KCNA2: variants seen among roughly 807,000 people sequenced by gnomAD.
The protein encoded by KCNA2 is potassium voltage-gated channel subfamily A member 2, also known as potassium channel, voltage gated shaker related subfamily A, member 2.
KCNA2 carries 11 observed loss-of-function variants against 33.4 expected under a neutral mutation model. The ratio of observed to expected loss-of-function variants is 0.33; its 90% CI spans 0.21 to 0.55. The LOEUF is 0.55. Ranked by LOEUF, KCNA2 falls within the 20% of genes least tolerant of loss-of-function variation. The pLI, the probability that KCNA2 is intolerant of heterozygous loss-of-function variation, is 0.93. For synonymous variants in KCNA2, 222 were observed against 231.3 expected (o/e 0.96, Z 0.37); for missense variants, 291 against 621.6 (o/e 0.47, Z 5.66).
At chr1:110,618,030 A>C (rs1650124010) in intron 1 of KCNA2, among the ~76,000 whole-genome samples, 1 of 152,102 alleles carries the variant, frequency 6.6e-6, no homozygotes. Context: ...CCAGGATGAG[A>C]ATGTAGATGG....
rs1386656843 is a variant in KCNA2 at position 110,596,638 on chromosome 1, T to C, written c.*6645A>G. The C allele has an allele frequency of 1.7e-5, 12 of 691,406 alleles. No homozygotes were observed. The highest frequency in any genetic ancestry group is 1.9e-5 in the African/African-American group (1 of 51,436). The allele number at this position is 691,406 out of a possible 1,614,324, so 42.8% of individuals were successfully genotyped here. On this transcript the variant is annotated 3_prime_UTR_variant, in exon 3 of 3. Transcript: ENST00000316361. ...GACCCTGAGCAAGGCAAGGTCCCTG[T>C]TATCTTCAAACACTCTACTTAACTA...
chr1:110,622,390 A>G (rs1458627180), intron 1 of KCNA2, among the ~76,000 whole-genome samples: 3 of 152,164 alleles, frequency 2.0e-5, no homozygotes, highest in Non-Finnish European at 4.4e-5. Context: ...CCAACATTAT[A>G]CTTAATGATG....
At chr1:110,615,163 T>C (rs978715280) in intron 1 of KCNA2, among the ~76,000 whole-genome samples, 5 of 152,062 alleles carry the variant, frequency 3.3e-5, no homozygotes, top group Admixed American at 3.3e-4. Flanking sequence ...CTACTGGAAG[T>C]TTCATGGCCT....
chr1:110,605,188 G>A lies in KCNA2; in HGVS notation c.-164+203C>T, dbSNP rs558158701. On this transcript the variant is annotated intron_variant, in intron 2 of 2. Transcript: ENST00000316361. ...GGGGGAAGGTGGCTGGTACAGGCCCGCTTGTAGCACACAGGCTTCATGGAG... is the reference window on the plus strand; with the variant it reads ...GGGGGAAGGTGGCTGGTACAGGCCCACTTGTAGCACACAGGCTTCATGGAG... Among the ~76,000 whole-genome samples, 39 of 152,156 alleles carry A rather than the reference G, an allele frequency of 2.6e-4. 1 individual carries two copies. The highest frequency in any genetic ancestry group is 3.8e-4 in the Non-Finnish European group (26 of 68,028).
At chr1:110,629,544 C>T (rs1422635028) in intron 1 of KCNA2, among the ~76,000 whole-genome samples, 2 of 152,184 alleles carry the variant, frequency 1.3e-5, no homozygotes, top group Non-Finnish European at 2.9e-5. Flanking sequence ...ACCTCTTCCT[C>T]AGCACAGTTA....
At chr1:110,629,812 A>C (rs1650498945) in intron 1 of KCNA2, among the ~76,000 whole-genome samples, 2 of 152,244 alleles carry the variant, frequency 1.3e-5, no homozygotes, top group Non-Finnish European at 2.9e-5. Flanking sequence ...AGAAAACAGG[A>C]GTTAATTAAG....
chr1:110,621,058 A>G (rs891868202), intron 1 of KCNA2, among the ~76,000 whole-genome samples: 2 of 152,178 alleles, frequency 1.3e-5, no homozygotes, highest in Non-Finnish European at 2.9e-5. Flanking sequence ...TTGAAATTCT[A>G]AAATAACTGA....
At chr1:110,608,808 G>C (rs1026162965), upstream of KCNA2, among the ~76,000 whole-genome samples, 1 of 152,170 alleles carries the variant, frequency 6.6e-6, no homozygotes, top group East Asian at 1.9e-4. Flanking sequence ...GGGCACCAGT[G>C]CCCTCCTCTG....
Position 110,594,169 on chromosome 1 carries a change from C to G in KCNA2, c.*9114G>C, listed in dbSNP as rs1362740053. 12 of 1,307,224 alleles carry G rather than the reference C, an allele frequency of 9.2e-6. No homozygotes were observed. The highest frequency in any genetic ancestry group is 7.3e-5 in the South Asian group (4 of 54,674). The allele number at this position is 1,307,224 out of a possible 1,614,324, so 81.0% of individuals were successfully genotyped here. A position where few individuals can be genotyped will look rare whatever the true frequency, so the allele number is the denominator to read the frequency against. ...TTGAGTTTTCAGCAATTATTAGAGA[C>G]AGGACATGGGAGGGCAGCTGAAGAT... On this transcript the variant is annotated 3_prime_UTR_variant, in exon 3 of 3. Transcript: ENST00000316361.
intron 1 of KCNA2, among the ~76,000 whole-genome samples, chr1:110,618,018 C>A (rs1253605346): frequency 6.6e-6 from 1 of 152,020 alleles, no homozygotes. Context: ...GAATGAGATC[C>A]CCCAGGATGA....
intron 1 of KCNA2, among the ~76,000 whole-genome samples, chr1:110,624,338 G>A (rs2172514): frequency 0.82 from 124,786 of 152,272 alleles, 51,227 homozygotes; most frequent in Non-Finnish European, 0.83. Flanking sequence ...GGTATATGCT[G>A]TAACATGAAT....
At position 110,598,207 on chromosome 1, in the gene KCNA2, G is replaced by A. The variant is rs1649185483; in HGVS notation, c.*5076C>T. 1 of 538,286 alleles carries A rather than the reference G, an allele frequency of 1.9e-6. No individual in the cohort carries two copies. The highest frequency in any genetic ancestry group is 2.4e-6 in the Non-Finnish European group (1 of 421,784). 33.3% of individuals were successfully genotyped at this position (538,286 alleles called of 1,614,324 possible). A position where few individuals can be genotyped will look rare whatever the true frequency, so the allele number is the denominator to read the frequency against. ...CATGGATATTATAGCCCTCGCAGAT[G>A]AGGCGGCCATCACCCACATACAAGT... On this transcript the variant is annotated 3_prime_UTR_variant, in exon 3 of 3. Transcript: ENST00000316361.
chr1:110,614,544 G>A lies in KCNA2; in HGVS notation c.-495-8822C>T, dbSNP rs143516718. ...AAACAAGAAGCAAGTTGATATCATGGAAAGGCCCTTGGCCTGCCAGTTTCT... is the reference window on the plus strand; with the variant it reads ...AAACAAGAAGCAAGTTGATATCATGAAAAGGCCCTTGGCCTGCCAGTTTCT... On this transcript the variant is annotated intron_variant, in intron 1 of 4. Coordinates refer to the KCNA2 transcript ENST00000369770. 9.7e-3 allele frequency among the ~76,000 whole-genome samples: 1,472 copies of A among 152,286 alleles called. 10 individuals are homozygous for A. The highest frequency in any genetic ancestry group is 0.027 in the Middle Eastern group (8 of 294).
intron 1 of KCNA2, among the ~76,000 whole-genome samples, chr1:110,627,839 A>C (rs1382531183): frequency 6.6e-6 from 1 of 152,104 alleles, no homozygotes; most frequent in Non-Finnish European, 1.5e-5. Flanking sequence ...AAAAAAAAAA[A>C]AAATAATAAT....
intron 1 of KCNA2, among the ~76,000 whole-genome samples, chr1:110,617,842 G>A (rs754223593): frequency 6.6e-6 from 1 of 152,196 alleles, no homozygotes; most frequent in Non-Finnish European, 1.5e-5. Context: ...CTCACATGGT[G>A]GGCAGTTCTG....
In KCNA2 at chr1:110,596,981, C is replaced by T; in HGVS notation, c.*6302G>A. 1 of 985,452 alleles carries T rather than the reference C, an allele frequency of 1.0e-6. No individual in the cohort carries two copies. The highest frequency in any genetic ancestry group is 1.2e-6 in the Non-Finnish European group (1 of 829,944). 61.0% of individuals were successfully genotyped at this position (985,452 alleles called of 1,614,324 possible). On this transcript the variant is annotated 3_prime_UTR_variant, in exon 3 of 3. Coordinates refer to ENST00000316361, the MANE Select transcript of KCNA2 (RefSeq NM_004974.4). ...CTGGCTATGTGTGCAAATATTTGTG[C>T]AGCTGCACACTCTAGCGGGTGGTAG...
intron 1 of KCNA2, among the ~76,000 whole-genome samples, chr1:110,619,876 A>G (rs772064457): frequency 4.0e-5 from 6 of 151,838 alleles, no homozygotes; most frequent in African/African-American, 1.2e-4. Flanking sequence ...AGTAACATAC[A>G]CTCTCTGCCT....
At position 110,593,922 on chromosome 1, in the gene KCNA2, C is replaced by T. The variant is rs1570742912; in HGVS notation, c.*9361G>A. 1.3e-6 allele frequency: 2 copies of T among 1,549,750 alleles called. No individual in the cohort carries two copies. The highest frequency in any genetic ancestry group is 1.4e-5 in the African/African-American group (1 of 73,088). On this transcript the variant is annotated 3_prime_UTR_variant, in exon 3 of 3. Coordinates refer to ENST00000316361, the MANE Select transcript of KCNA2 (RefSeq NM_004974.4). ...TACATCCTGTGCAATGTAGTTACAGCTGGTGTCTAAATTTTCAAGAAGCAA... is the reference window on the plus strand; with the variant it reads ...TACATCCTGTGCAATGTAGTTACAGTTGGTGTCTAAATTTTCAAGAAGCAA...
intron 1 of KCNA2, among the ~76,000 whole-genome samples, chr1:110,618,676 C>T (rs1032091753): frequency 1.3e-5 from 2 of 152,136 alleles, no homozygotes; most frequent in African/African-American, 4.8e-5. Context: ...CATGGCACAT[C>T]CCAAACCAAA....
Sources: gnomAD v4.1 joint callset for allele counts (sites outside exome capture counted in the v4.1 genomes callset) on GRCh38, gnomAD v4.1.1 for gene constraint, MANE v1.5 for transcripts, NCBI Gene and HGNC (gene_info 2026-07-23, HGNC 2026-07-21) for gene names.